SLC12A8: variants seen among roughly 807,000 people sequenced by gnomAD.
SLC12A8 encodes the protein solute carrier family 12 member 8.
A neutral mutation model predicts 75.6 loss-of-function variants in SLC12A8; 69 were observed. That is an observed-to-expected ratio of 0.91 (90% CI 0.75 to 1.11). The LOEUF is 1.11. Ranked by LOEUF, SLC12A8 falls within the 50% of genes most tolerant of loss-of-function variation. The pLI, the probability that SLC12A8 is intolerant of heterozygous loss-of-function variation, is 0.00. For synonymous variants in SLC12A8, 365 were observed against 372.8 expected, an observed-to-expected ratio of 0.98 and a Z score of 0.24; for missense variants, 877 against 896.7, an observed-to-expected ratio of 0.98 and a Z score of 0.28.
intron 5 of SLC12A8, among the ~76,000 whole-genome samples, chr3:125,144,294 T>C (rs1933720140): frequency 2.6e-5 from 4 of 152,182 alleles, no homozygotes; most frequent in Admixed American, 2.0e-4. Flanking sequence ...ATGGATTTTT[T>C]TCAGGGAAGG....
At chr3:125,114,725 C>T (rs1450813655) in intron 8 of SLC12A8, among the ~76,000 whole-genome samples, 2 of 152,210 alleles carry the variant, frequency 1.3e-5, no homozygotes, top group Non-Finnish European at 2.9e-5. Flanking sequence ...CCCAGATTCC[C>T]TAGTCTTAAC....
intron 5 of SLC12A8, among the ~76,000 whole-genome samples, chr3:125,154,344 A>G (rs1042776705): frequency 7.2e-5 from 11 of 152,224 alleles, no homozygotes; most frequent in Admixed American, 7.2e-4. Flanking sequence ...GGTTAAGGAC[A>G]TGGACCCTGA....
At chr3:125,156,080 A>AGCC (rs1370757581) in intron 5 of SLC12A8, among the ~76,000 whole-genome samples, 2 of 152,184 alleles carry the variant, frequency 1.3e-5, no homozygotes, top group Non-Finnish European at 2.9e-5. Flanking sequence ...CAGAGACCCC[A>AGCC]GCCGGCTGCC....
At chr3:125,186,202 C>T (rs1052411846) in intron 4 of SLC12A8, among the ~76,000 whole-genome samples, 2 of 151,632 alleles carry the variant, frequency 1.3e-5, no homozygotes, top group Non-Finnish European at 2.9e-5. Flanking sequence ...ATAAAGTAAA[C>T]TGACCATTTA....
intron 5 of SLC12A8, among the ~76,000 whole-genome samples, chr3:125,145,115 G>A (rs1933741764): frequency 6.6e-6 from 1 of 152,132 alleles, no homozygotes; most frequent in Admixed American, 6.5e-5. Context: ...TTTACAGATG[G>A]GAAAGCTGAG....
At chr3:125,172,221 C>A (rs1486623079) in intron 5 of SLC12A8, among the ~76,000 whole-genome samples, 1 of 151,386 alleles carries the variant, frequency 6.6e-6, no homozygotes, top group Non-Finnish European at 1.5e-5. Context: ...TTGCAGTGAG[C>A]TGAGATCCCG....
intron 3 of SLC12A8, among the ~76,000 whole-genome samples, chr3:125,187,755 A>T (rs1182786789): frequency 2.2e-5 from 2 of 90,548 alleles, no homozygotes; most frequent in Admixed American, 1.2e-4. Flanking sequence ...TTCTCTCCCC[A>T]CCCCCACCCC....
At chr3:125,160,492 C>A (rs1334056527) in intron 5 of SLC12A8, among the ~76,000 whole-genome samples, 1 of 152,220 alleles carries the variant, frequency 6.6e-6, no homozygotes, top group African/African-American at 2.4e-5. Flanking sequence ...AAGTGAAGTT[C>A]TTTCCATCCA....
chr3:125,190,318 C>G, intron 3 of SLC12A8, 57 bp downstream of exon 3: 1 of 1,592,888 alleles, frequency 6.3e-7, no homozygotes, highest in African/African-American at 1.3e-5. Flanking sequence ...GCAAGAGTGG[C>G]AGAGCTTTCC....
intron 10 of SLC12A8, among the ~76,000 whole-genome samples, chr3:125,094,395 T>C (rs1938661515): frequency 6.6e-6 from 1 of 152,178 alleles, no homozygotes; most frequent in Non-Finnish European, 1.5e-5. Flanking sequence ...AGAACAAATT[T>C]ACAAGCTCTC....
intron 10 of SLC12A8, among the ~76,000 whole-genome samples, chr3:125,096,972 A>G (rs994655567): frequency 2.0e-5 from 3 of 152,252 alleles, no homozygotes; most frequent in African/African-American, 4.8e-5. Context: ...GTTAAATTGT[A>G]TAGTTTTAAC....
intron 5 of SLC12A8, 100 bp downstream of exon 5, chr3:125,177,643 T>C (rs1934562807): frequency 1.1e-6 from 1 of 884,928 alleles, no homozygotes; most frequent in Non-Finnish European, 1.8e-6. Context: ...GTAAAGCCTA[T>C]GGGGGTTAGG....
chr3:125,137,769 C>G (rs1933528134), intron 5 of SLC12A8, among the ~76,000 whole-genome samples: 1 of 152,246 alleles, frequency 6.6e-6, no homozygotes, highest in Admixed American at 6.5e-5. Flanking sequence ...GAAGCCTTTT[C>G]TCTGCCCATC....
At chr3:125,123,317 G>A (rs147080885) in intron 6 of SLC12A8, among the ~76,000 whole-genome samples, 1 of 145,366 alleles carries the variant, frequency 6.9e-6, no homozygotes, top group East Asian at 2.0e-4. Flanking sequence ...AGAAGTTGCA[G>A]TGAGCGGATA....
intron 10 of SLC12A8, among the ~76,000 whole-genome samples, chr3:125,098,626 C>T (rs1938781714): frequency 6.6e-6 from 1 of 151,308 alleles, no homozygotes; most frequent in African/African-American, 2.4e-5. Flanking sequence ...GTCCAAAACA[C>T]TTACTTCAGA....
chr3:125,181,784 T>TA (rs11369894), intron 4 of SLC12A8, among the ~76,000 whole-genome samples: 45,194 of 150,412 alleles, frequency 0.3, 6,941 homozygotes, highest in East Asian at 0.34. Context: ...GCTGATCTTT[T>TA]AAAAAAAAAT....
intron 5 of SLC12A8, among the ~76,000 whole-genome samples, chr3:125,143,160 C>A (rs1374774592): frequency 6.6e-6 from 1 of 152,220 alleles, no homozygotes; most frequent in Non-Finnish European, 1.5e-5. Context: ...GGAACAGTAA[C>A]CCTAATTGAG....
chr3:125,204,709 A>G (rs1458031975), intron 2 of SLC12A8, among the ~76,000 whole-genome samples: 3 of 152,208 alleles, frequency 2.0e-5, no homozygotes, highest in Non-Finnish European at 2.9e-5. Context: ...ATATTTCAAA[A>G]TAGCTAGAGG....
In SLC12A8 at chr3:125,198,866, C is replaced by T. The variant is rs1158193285; in HGVS notation, c.52-8345G>A. On this transcript the variant is annotated intron_variant, in intron 2 of 13. Coordinates refer to ENST00000469902, the MANE Select transcript of SLC12A8 (RefSeq NM_024628.6). ...GATCTCGGCTCACTGCAAGCTCCAC[C>T]TCTCGAGTTCATGCCATTCCCCTGC... Among the ~76,000 whole-genome samples, 5 of 151,520 alleles carry T rather than the reference C, an allele frequency of 3.3e-5. No individual in the cohort carries two copies. The South Asian group carries it at 6.3e-4, about 19-fold the overall frequency.
Sources: gnomAD v4.1 joint callset for allele counts (sites outside exome capture counted in the v4.1 genomes callset) on GRCh38, gnomAD v4.1.1 for gene constraint, MANE v1.5 for transcripts, NCBI Gene and HGNC (gene_info 2026-07-23, HGNC 2026-07-21) for gene names.